Variants in YBEY observed in about 807,000 individuals in gnomAD.
The protein encoded by YBEY is ybeY metalloendoribonuclease.
YBEY carries 15 observed loss-of-function variants against 13.5 expected under a neutral mutation model. That is an observed-to-expected ratio of 1.11 (90% CI 0.75 to 1.72). The LOEUF (loss-of-function observed/expected upper bound fraction) is 1.72, where lower values mean the gene tolerates loss of function less well. YBEY is among the 40% of genes most tolerant of loss of function. The pLI, the probability that YBEY is intolerant of heterozygous loss-of-function variation, is 0.00. For missense variants in YBEY, 244 were observed against 208.4 expected (o/e 1.17, Z -1.05); for synonymous variants, 101 against 83.1 (o/e 1.21, Z -1.17).
the YBEY span, among the ~76,000 whole-genome samples, chr21:46,305,735 C>G: frequency 6.0e-5 from 9 of 151,156 alleles, no homozygotes; most frequent in Non-Finnish European, 1.2e-4. Context: ...GTTAGAAGAT[C>G]GAGACCATCC....
At chr21:46,292,284 C>T (rs1473139575) in intron 3 of YBEY, 1 of 152,226 alleles carries the variant, frequency 6.6e-6, no homozygotes, top group Admixed American at 6.5e-5. Flanking sequence ...GAGTCCTGAG[C>T]AGTAGGGAAT....
intron 3 of YBEY, among the ~76,000 whole-genome samples, chr21:46,295,073 T>C (rs1000984634): frequency 6.6e-6 from 1 of 152,172 alleles, no homozygotes; most frequent in Non-Finnish European, 1.5e-5. Context: ...CTGGGATCTC[T>C]GTGGCCAGCA....
chr21:46,300,634 C>T, downstream of YBEY: 1 of 1,227,634 alleles, frequency 8.1e-7, no homozygotes, highest in African/African-American at 1.6e-5. Context: ...GGTGTTCACA[C>T]CTGCCCGTCC....
chr21:46,291,699 T>C, intron 3 of YBEY: 1 of 1,288,758 alleles, frequency 7.8e-7, no homozygotes, highest in Non-Finnish European at 9.8e-7. Context: ...CAGAGAAGCC[T>C]TCTCAGCTTT....
chr21:46,309,606 G>A, the YBEY span, among the ~76,000 whole-genome samples: 2 of 152,196 alleles, frequency 1.3e-5, no homozygotes, highest in South Asian at 2.1e-4. Context: ...ACCATTTATT[G>A]ATACACCCAA....
downstream of YBEY, chr21:46,302,529 C>T (rs769913861): frequency 2.0e-5 from 32 of 1,612,508 alleles, no homozygotes; most frequent in Non-Finnish European, 2.3e-5. Flanking sequence ...TTCTGCAGGA[C>T]CAACTGGTGC....
At chr21:46,290,316 C>G (rs1489532413) in intron 2 of YBEY, among the ~76,000 whole-genome samples, 1 of 152,100 alleles carries the variant, frequency 6.6e-6, no homozygotes, top group Non-Finnish European at 1.5e-5. Flanking sequence ...AGCGATTCTC[C>G]TGCCTCAGCC....
downstream of YBEY, among the ~76,000 whole-genome samples, chr21:46,298,386 C>T (rs1318348936): frequency 6.6e-6 from 1 of 151,064 alleles, no homozygotes; most frequent in Non-Finnish European, 1.5e-5. Flanking sequence ...AGCTTCATGT[C>T]GAAAAAGTAC....
At chr21:46,298,398 C>T (rs911105943), downstream of YBEY, among the ~76,000 whole-genome samples, 1 of 149,874 alleles carries the variant, frequency 6.7e-6, no homozygotes, top group Admixed American at 6.7e-5. Flanking sequence ...AAAAAGTACT[C>T]GTGAAAACAG....
chr21:46,290,601 G>GAT (rs1569096056), intron 2 of YBEY, among the ~76,000 whole-genome samples: 1 of 152,110 alleles, frequency 6.6e-6, no homozygotes, highest in Non-Finnish European at 1.5e-5. Context: ...TCTGGCCTGA[G>GAT]ACATGCATCT....
At chr21:46,301,438 AC>A (rs2082104039), downstream of YBEY, 1 of 975,188 alleles carries the variant, frequency 1.0e-6, no homozygotes. Context: ...TGAGCCATGC[AC>A]CCCTACTTCT....
the YBEY span, among the ~76,000 whole-genome samples, chr21:46,311,109 T>A: frequency 6.6e-6 from 1 of 151,902 alleles, no homozygotes; most frequent in African/African-American, 2.4e-5. Context: ...TGACCTCAGG[T>A]AATCCACCCG....
intron 2 of YBEY, among the ~76,000 whole-genome samples, chr21:46,291,019 GAA>G (rs1232426831): frequency 5.4e-5 from 7 of 129,986 alleles, no homozygotes; most frequent in Admixed American, 1.6e-4. Context: ...TCTGTCTCAG[GAA>G]AAAAAAAAAA....
the YBEY span, among the ~76,000 whole-genome samples, chr21:46,305,421 C>G: frequency 6.6e-6 from 1 of 150,862 alleles, no homozygotes; most frequent in Admixed American, 6.6e-5. Context: ...CATGGACCTC[C>G]TGGGCTCAAG....
chr21:46,300,997 T>C (rs2082087778), downstream of YBEY: 1 of 877,056 alleles, frequency 1.1e-6, no homozygotes, highest in Admixed American at 3.9e-5. Context: ...GCCCTTCCAC[T>C]GCCCAGCACT....
At chr21:46,294,437 C>CTT (rs2081869568) in intron 3 of YBEY, among the ~76,000 whole-genome samples, 39 of 64,588 alleles carry the variant, frequency 6.0e-4, no homozygotes, top group African/African-American at 2.1e-3. Flanking sequence ...ATTCCTCCCG[C>CTT]GGTTAGCCTG....
At chr21:46,301,900 G>A (rs888962339), downstream of YBEY, 28 of 1,340,158 alleles carry the variant, frequency 2.1e-5, 1 homozygote, top group South Asian at 5.2e-4. Flanking sequence ...GTGGTGGCAG[G>A]GTCTCTCCCT....
the YBEY span, among the ~76,000 whole-genome samples, chr21:46,310,174 T>C: frequency 2.0e-4 from 30 of 152,216 alleles, no homozygotes; most frequent in African/African-American, 4.1e-4. Context: ...ATATGTTATA[T>C]GTATATGTTA....
intron 2 of YBEY, 100 bp downstream of exon 2, chr21:46,287,223 T>C (rs2081482264): frequency 1.7e-6 from 2 of 1,177,878 alleles, no homozygotes; most frequent in Non-Finnish European, 2.3e-6. Flanking sequence ...TGAGACGGAG[T>C]CTTGCTCTGT....
Sources: gnomAD v4.1 joint callset for allele counts (sites outside exome capture counted in the v4.1 genomes callset) on GRCh38, gnomAD v4.1.1 for gene constraint, MANE v1.5 for transcripts, NCBI Gene and HGNC (gene_info 2026-07-23, HGNC 2026-07-21) for gene names.